The following ZNF783 variants were observed in gnomAD, a reference collection of about 807,000 sequenced individuals.
The protein encoded by ZNF783 is zinc finger protein 783.
Under a neutral mutation model 31.3 loss-of-function variants are expected in ZNF783, and 25 were observed. The observed-to-expected ratio is 0.80, with a 90% CI of 0.58 to 1.11. The LOEUF (loss-of-function observed/expected upper bound fraction) is 1.11, where lower values mean the gene tolerates loss of function less well. Ranked by LOEUF, ZNF783 falls within the 50% of genes most tolerant of loss-of-function variation. The probability of loss-of-function intolerance (pLI) is 0.00; values close to 1 mark genes in which losing one functional copy is unlikely to be tolerated. For missense variants in ZNF783, 797 were observed against 760.0 expected (o/e 1.05, Z -0.57); for synonymous variants, 369 against 319.1 (o/e 1.16, Z -1.66).
chr7:149,282,275 T>A lies in ZNF783; in HGVS notation c.1573T>A (p.Phe525Ile). 1.9e-6 allele frequency: 3 copies of A among 1,582,468 alleles called. No individual in the cohort carries two copies. The highest frequency in any genetic ancestry group is 2.6e-6 in the Non-Finnish European group (3 of 1,173,014). Residue 525 changes from phenylalanine to isoleucine, a missense_variant, in exon 6 of 6, where the codon TTC (phenylalanine) becomes ATC (isoleucine). Physicochemically the swap from Phe to Ile is conservative, Grantham distance 21. Coordinates refer to ENST00000434415, the MANE Select transcript of ZNF783 (RefSeq NM_001195220.2). Reference sequence around the variant, plus strand: ...CGCCCGAGGCCAGGTGGGCCCACACTTCCCTGCCGCCCCCGCCCGCCACGG... The same window carrying A: ...CGCCCGAGGCCAGGTGGGCCCACACATCCCTGCCGCCCCCGCCCGCCACGG... ...THARGQVGPH[F>I]PAAPARHGSL...
chr7:149,281,781 TGAA>T lies in ZNF783; in HGVS notation c.1082_1084del (p.Lys361del), dbSNP rs1797475662. 3 of 1,511,818 alleles carry T rather than the reference TGAA, an allele frequency of 2.0e-6. No homozygotes were observed. Among genetic ancestry groups the T allele is most frequent in the Non-Finnish European group, 2.6e-6 (3 of 1,139,646 alleles). The allele number at this position is 1,511,818 out of a possible 1,614,324, so 93.7% of individuals were successfully genotyped here. ...CCCGACTGCGGGCAGAGCTTCCGCC[TGAA>T]GATCAATCTGACGATTCATCAGCGG... On this transcript the variant is annotated inframe_deletion, in exon 6 of 6. Transcript: ENST00000434415.
Position 149,262,246 on chromosome 7 carries a change from C to A in ZNF783, c.-88C>A. 8.1e-7 allele frequency: 1 copy of A among 1,228,846 alleles called. No individual in the cohort carries two copies. Among genetic ancestry groups the A allele is most frequent in the Admixed American group, 4.0e-5 (1 of 24,992 alleles). 76.1% of individuals were successfully genotyped at this position (1,228,846 alleles called of 1,614,324 possible). A position where few individuals can be genotyped will look rare whatever the true frequency, so the allele number is the denominator to read the frequency against. On this transcript the variant is annotated 5_prime_UTR_variant, in exon 1 of 6. Transcript: ENST00000434415. ...AGTAGCTCTCAGGTTAGGCGGGTCC[C>A]GCTCCGCTTCCGCCGTCGCTGCCGC...
In ZNF783 at chr7:149,266,678, G is replaced by A; in HGVS notation, c.368G>A (p.Arg123Lys). The A allele has an allele frequency of 6.2e-7, 1 of 1,614,148 alleles. No homozygotes were observed. Among genetic ancestry groups the A allele is most frequent in the Non-Finnish European group, 8.5e-7 (1 of 1,180,024 alleles). The change falls in exon 2 of 6, where the codon AGG (arginine) becomes AAG (lysine). Residue 123 changes from arginine (R) to lysine (K), a missense_variant. Physicochemically the swap from Arg to Lys is conservative, Grantham distance 26 (BLOSUM62 2). Transcript: ENST00000434415. ...LENVENLLRNRNFWILRLPPG... is the reference protein window; with the variant it reads ...LENVENLLRNKNFWILRLPPG... ...AATGTGGAGAACTTGCTGCGCAACAGGAACTTCTGGATCTTGCGGCTGCCC... is the reference window on the plus strand; with the variant it reads ...AATGTGGAGAACTTGCTGCGCAACAAGAACTTCTGGATCTTGCGGCTGCCC...
chr7:149,282,400 G>C lies in ZNF783; in HGVS notation c.*57G>C. On this transcript the variant is annotated 3_prime_UTR_variant, in exon 6 of 6. Coordinates refer to ENST00000434415, the MANE Select transcript of ZNF783 (RefSeq NM_001195220.2). The stretch of plus-strand genomic sequence containing the variant: ...GGGTCTCTCCCCTGTGCCTGACGCA[G>C]GTTCTTCCTTTTCCTGGGATGGAGA... 1 of 1,353,014 alleles carries C rather than the reference G, an allele frequency of 7.4e-7. No homozygotes were observed. The allele number at this position is 1,353,014 out of a possible 1,614,324, so 83.8% of individuals were successfully genotyped here. A position where few individuals can be genotyped will look rare whatever the true frequency, so the allele number is the denominator to read the frequency against.
At chr7:149,265,323 C>T (rs1444235961) in intron 1 of ZNF783, among the ~76,000 whole-genome samples, 3 of 151,670 alleles carry the variant, frequency 2.0e-5, no homozygotes, top group Non-Finnish European at 4.4e-5. Context: ...TTCCAAGGCA[C>T]TGAAGGACAA....
chr7:149,263,302 GTGTA>G (rs1370213807), intron 1 of ZNF783, among the ~76,000 whole-genome samples: 2,181 of 62,610 alleles, frequency 0.035, 22 homozygotes, highest in Admixed American at 0.049. Flanking sequence ...GTGTGTGTGT[GTGTA>G]TATATATATA....
At position 149,281,822 on chromosome 7, in the gene ZNF783, G is replaced by C. The variant is rs1011072644; in HGVS notation, c.1120G>C (p.Glu374Gln). 6.6e-7 allele frequency: 1 copy of C among 1,510,772 alleles called. No individual in the cohort carries two copies. Among genetic ancestry groups the C allele is most frequent in the Non-Finnish European group, 8.8e-7 (1 of 1,139,904 alleles). 93.6% of individuals were successfully genotyped at this position (1,510,772 alleles called of 1,614,324 possible). A position where few individuals can be genotyped will look rare whatever the true frequency, so the allele number is the denominator to read the frequency against. ...LTIHQRTHVE[E>Q]GRQEAPGRSP... is the part of the protein sequence containing the mutation. The stretch of plus-strand genomic sequence containing the variant: ...GATTCATCAGCGGACCCATGTGGAG[G>C]AGGGGCGGCAGGAGGCCCCCGGCCG... Residue 374 changes from glutamate to glutamine, a missense_variant, in exon 6 of 6, where the codon GAG (glutamate) becomes CAG (glutamine). By Grantham distance (29) the Glu-to-Gln change is conservative. Transcript: ENST00000434415.
chr7:149,278,677 GAA>G, intron 5 of ZNF783, 150 bp downstream of exon 5: 1 of 1,338,718 alleles, frequency 7.5e-7, no homozygotes. Flanking sequence ...GGCTTTCTGG[GAA>G]AGAGGCCCCT....
intron 1 of ZNF783, among the ~76,000 whole-genome samples, chr7:149,264,421 G>A (rs894959016): frequency 6.6e-6 from 1 of 152,194 alleles, no homozygotes; most frequent in Non-Finnish European, 1.5e-5. Flanking sequence ...ATCCACAGGA[G>A]GCTGGCATGG....
In ZNF783 at chr7:149,278,524, G is replaced by C. The variant is rs146586179; in HGVS notation, c.799G>C (p.Ala267Pro). The C allele has an allele frequency of 1.9e-6, 3 of 1,599,194 alleles. No homozygotes were observed. The highest frequency in any genetic ancestry group is 2.5e-6 in the Non-Finnish European group (3 of 1,179,748). ...EARVAPAGPE[A>P]GGGVAIKTEA... The stretch of plus-strand genomic sequence containing the variant: ...GAGAGTGGCCCCAGCCGGGCCAGAA[G>C]CAGGTGAGTGAGGACAGTGAGGCGG... Residue 267 changes from alanine (A) to proline (P), a missense_variant, in exon 5 of 6, where the codon GCA becomes CCA. Coordinates refer to ENST00000434415, the MANE Select transcript of ZNF783 (RefSeq NM_001195220.2).
At chr7:149,262,624 G>T (rs886518469) in intron 1 of ZNF783, among the ~76,000 whole-genome samples, 35 of 152,202 alleles carry the variant, frequency 2.3e-4, no homozygotes, top group African/African-American at 7.0e-4. Flanking sequence ...CCAGAGTCAC[G>T]CTCGGCGACG....
At chr7:149,262,446 G>T in intron 1 of ZNF783, 89 bp downstream of exon 1, 2 of 1,053,206 alleles carry the variant, frequency 1.9e-6, no homozygotes, top group South Asian at 4.7e-5. Flanking sequence ...GCGAGGCCGC[G>T]GGGTGAGAGG....
intron 4 of ZNF783, among the ~76,000 whole-genome samples, chr7:149,268,967 A>G (rs1797150420): frequency 6.6e-6 from 1 of 152,196 alleles, no homozygotes; most frequent in Non-Finnish European, 1.5e-5. Context: ...ATACCCAGTA[A>G]CAGGATTGCT....
chr7:149,277,759 A>C (rs552764685), intron 4 of ZNF783: 5 of 145,026 alleles, frequency 3.4e-5, no homozygotes, highest in African/African-American at 1.3e-4. Context: ...AAAAAAATTC[A>C]AAAAAAAAAA....
At chr7:149,279,946 C>A (rs939727655) in intron 5 of ZNF783, among the ~76,000 whole-genome samples, 1 of 152,182 alleles carries the variant, frequency 6.6e-6, no homozygotes, top group Non-Finnish European at 1.5e-5. Context: ...CACAAAACCG[C>A]CATTGTCATC....
At chr7:149,272,946 A>T (rs1189077869) in intron 4 of ZNF783, among the ~76,000 whole-genome samples, 1 of 148,578 alleles carries the variant, frequency 6.7e-6, no homozygotes, top group Non-Finnish European at 1.5e-5. Context: ...CTCTGTCTCC[A>T]TGAGTTCAAT....
At position 149,283,959 on chromosome 7, in the gene ZNF783, C is replaced by G. The variant is rs905108471; in HGVS notation, c.*1616C>G. On this transcript the variant is annotated 3_prime_UTR_variant, in exon 6 of 6. Transcript: ENST00000434415. ...TCCACTGGGTTCAGTGAAAGAGTCG[C>G]CCATGGGGCTCTGTTCCCCAGGAGT... is the stretch of plus-strand genomic sequence containing the variant. 4.6e-5 allele frequency: 7 copies of G among 152,204 alleles called. No individual in the cohort carries two copies. The highest frequency in any genetic ancestry group is 1.7e-4 in the African/African-American group (7 of 41,448). 9.4% of individuals were successfully genotyped at this position (152,204 alleles called of 1,614,324 possible). A position where few individuals can be genotyped will look rare whatever the true frequency, so the allele number is the denominator to read the frequency against.
chr7:149,266,026 G>A (rs1459323842), intron 1 of ZNF783, among the ~76,000 whole-genome samples: 1 of 152,204 alleles, frequency 6.6e-6, no homozygotes, highest in African/African-American at 2.4e-5. Flanking sequence ...GTTTGAGACT[G>A]CACGTGGTTG....
Position 149,263,318 on chromosome 7 carries a change from ATATATATT to A in ZNF783, c.24+963_24+970del, listed in dbSNP as rs1274759280. 2.9e-4 allele frequency among the ~76,000 whole-genome samples: 40 copies of A among 136,692 alleles called. 1 individual carries two copies. In the East Asian group the frequency reaches 5.1e-3, roughly 18 times the overall value. The allele number at this position is 136,692 out of a possible 152,430, so 89.7% of individuals were successfully genotyped here. A position where few individuals can be genotyped will look rare whatever the true frequency, so the allele number is the denominator to read the frequency against. On this transcript the variant is annotated intron_variant, in intron 1 of 5. Coordinates refer to ENST00000434415, the MANE Select transcript of ZNF783 (RefSeq NM_001195220.2). ...TGTGTGTGTGTGTATATATATATAT[ATATATATT>A]TTTTTTTTAGACACAGTCTCACTCT...
Sources: gnomAD v4.1 joint callset for allele counts (sites outside exome capture counted in the v4.1 genomes callset) on GRCh38, gnomAD v4.1.1 for gene constraint, MANE v1.5 for transcripts, NCBI Gene and HGNC (gene_info 2026-07-23, HGNC 2026-07-21) for gene names.